The following ARHGAP5 variants were observed in gnomAD, a reference collection of about 807,000 sequenced individuals.
The protein encoded by ARHGAP5 is Rho GTPase activating protein 5.
Under a neutral mutation model 116.6 loss-of-function variants are expected in ARHGAP5, and 23 were observed. That is an observed-to-expected ratio of 0.20 (90% confidence interval 0.14 to 0.28). The LOEUF is 0.28. ARHGAP5 is among the 10% of genes least tolerant of loss of function. ARHGAP5 has a pLI of 1.00. For synonymous variants in ARHGAP5, 574 were observed against 602.0 expected (o/e 0.95, Z 0.68); for missense variants, 1,405 against 1,774.8 (o/e 0.79, Z 3.74).
chr14:32,147,151 G>A (rs183239095), intron 4 of ARHGAP5, among the ~76,000 whole-genome samples: 8 of 152,158 alleles, frequency 5.3e-5, no homozygotes, highest in East Asian at 1.9e-4. Flanking sequence ...AGATTTAAAC[G>A]TAAAAAATGA....
chr14:32,140,644 T>C (rs1881079638), intron 3 of ARHGAP5, among the ~76,000 whole-genome samples: 1 of 152,186 alleles, frequency 6.6e-6, no homozygotes, highest in Non-Finnish European at 1.5e-5. Context: ...ATTTTTCTTT[T>C]GTTACTTATA....
intron 1 of ARHGAP5, among the ~76,000 whole-genome samples, chr14:32,085,697 G>A (rs115866192): frequency 6.6e-6 from 1 of 152,086 alleles, no homozygotes; most frequent in East Asian, 1.9e-4. Context: ...AGAAGATAGA[G>A]CATGTAATTA....
Position 32,093,629 on chromosome 14 carries a change from C to T in ARHGAP5, c.2960C>T (p.Ala987Val), listed in dbSNP as rs1474856372. ...NYPDSDDDTE[A>V]PPPYSPIGDD... is the part of the protein sequence containing the mutation. Reference sequence around the variant, plus strand: ...CCTGATTCAGATGATGACACAGAAGCACCACCTCCTTATAGTCCAATTGGG... The same window carrying T: ...CCTGATTCAGATGATGACACAGAAGTACCACCTCCTTATAGTCCAATTGGG... The change falls in exon 2 of 7, where the codon GCA becomes GTA. Residue 987 changes from alanine to valine, a missense_variant. Transcript: ENST00000345122. 7 of 1,613,788 alleles carry T rather than the reference C, an allele frequency of 4.3e-6. No homozygotes were observed. Among genetic ancestry groups the T allele is most frequent in the Non-Finnish European group, 5.1e-6 (6 of 1,179,864 alleles).
intron 3 of ARHGAP5, among the ~76,000 whole-genome samples, chr14:32,139,578 A>C (rs1296133873): frequency 6.6e-6 from 1 of 151,956 alleles, no homozygotes; most frequent in Non-Finnish European, 1.5e-5. Flanking sequence ...TGATTTTAGT[A>C]ATTGGAGTCT....
intron 2 of ARHGAP5, among the ~76,000 whole-genome samples, chr14:32,109,560 T>G (rs552493687): frequency 6.6e-6 from 1 of 152,232 alleles, no homozygotes; most frequent in South Asian, 2.1e-4. Flanking sequence ...AATTATAAAT[T>G]ATATTAATAG....
At chr14:32,082,448 A>G (rs934517490) in intron 1 of ARHGAP5, among the ~76,000 whole-genome samples, 1 of 152,210 alleles carries the variant, frequency 6.6e-6, no homozygotes, top group South Asian at 2.1e-4. Context: ...TTAGTTTTTC[A>G]TTAAGAAACA....
chr14:32,091,818 A>G lies in ARHGAP5; in HGVS notation c.1149A>G (p.Lys383=). Residue 383 remains lysine (K), a synonymous_variant, in exon 2 of 7, where the codon AAA becomes AAG. Transcript: ENST00000345122. ...AGTTATGTTTTGTGGTGCTAGAAAA[A>G]ACTCCTTGGGATGAAACTGACCATA... ...DFQLCFVVLE[K]TPWDETDHID... The G allele has an allele frequency of 6.2e-7, 1 of 1,613,476 alleles. No individual in the cohort carries two copies. The highest frequency in any genetic ancestry group is 1.7e-5 in the Admixed American group (1 of 59,962).
At chr14:32,102,653 C>G (rs1360189093) in intron 2 of ARHGAP5, among the ~76,000 whole-genome samples, 1 of 152,226 alleles carries the variant, frequency 6.6e-6, no homozygotes, top group Non-Finnish European at 1.5e-5. Flanking sequence ...AGGAAAACCA[C>G]AATGTCTACT....
intron 5 of ARHGAP5, among the ~76,000 whole-genome samples, chr14:32,150,642 A>T (rs2139148412): frequency 6.6e-6 from 1 of 152,300 alleles, no homozygotes; most frequent in Admixed American, 6.5e-5. Flanking sequence ...CACTTCAGAG[A>T]TAACAGCGTT....
At chr14:32,144,568 C>G (rs1013194814) in intron 3 of ARHGAP5, among the ~76,000 whole-genome samples, 1 of 152,104 alleles carries the variant, frequency 6.6e-6, no homozygotes, top group Non-Finnish European at 1.5e-5. Context: ...ACTGCAACCT[C>G]TGCCTCCTGG....
intron 3 of ARHGAP5, among the ~76,000 whole-genome samples, chr14:32,137,296 C>G (rs1880854807): frequency 1.3e-5 from 2 of 149,698 alleles, no homozygotes; most frequent in South Asian, 4.3e-4. Context: ...TGGATATTCG[C>G]CTGTCTCTGC....
At chr14:32,102,045 T>A (rs1878817557) in intron 2 of ARHGAP5, among the ~76,000 whole-genome samples, 1 of 152,218 alleles carries the variant, frequency 6.6e-6, no homozygotes, top group Admixed American at 6.5e-5. Flanking sequence ...GGCTTACACT[T>A]TGTTGAATGA....
rs1450779047 is a variant in ARHGAP5 at position 32,103,274 on chromosome 14, TGTC to T, written c.3717+8889_3717+8891del. On this transcript the variant is annotated intron_variant, in intron 2 of 6. Transcript: ENST00000345122. ...TTTGCCATTTCTTTGAATTCTGTGT[TGTC>T]CATTTGATCATGATTTATTGCTTTT... is the stretch of plus-strand genomic sequence containing the variant. 2.6e-5 allele frequency among the ~76,000 whole-genome samples: 4 copies of T among 152,356 alleles called. No homozygotes were observed. The East Asian group carries it at 5.8e-4, about 22-fold the overall frequency.
intron 2 of ARHGAP5, among the ~76,000 whole-genome samples, chr14:32,097,146 C>A (rs1878565447): frequency 6.6e-6 from 1 of 152,030 alleles, no homozygotes; most frequent in African/African-American, 2.4e-5. Flanking sequence ...TAAAAAATAC[C>A]CAGTTTTTGC....
intron 3 of ARHGAP5, among the ~76,000 whole-genome samples, chr14:32,136,492 A>G (rs1313042904): frequency 6.6e-6 from 1 of 152,180 alleles, no homozygotes; most frequent in Admixed American, 6.5e-5. Context: ...GCTATATCAC[A>G]TTTAGCCGTT....
intron 3 of ARHGAP5, among the ~76,000 whole-genome samples, chr14:32,122,883 G>C (rs887110164): frequency 2.0e-5 from 3 of 152,098 alleles, no homozygotes; most frequent in Non-Finnish European, 4.4e-5. Context: ...GATATTATCT[G>C]TCTGTTTTCA....
Position 32,155,211 on chromosome 14 carries a change from A to G in ARHGAP5, c.*263A>G. On this transcript the variant is annotated 3_prime_UTR_variant, in exon 7 of 7. Transcript: ENST00000345122. ...TGCTGCTGCATGCAACCTTATTGCA[A>G]TCAGTATATCATTCCTGTGGCAATT... The G allele has an allele frequency of 5.7e-6, 2 of 353,458 alleles. No homozygotes were observed. The highest frequency in any genetic ancestry group is 4.9e-5 in the East Asian group (1 of 20,248). The allele number at this position is 353,458 out of a possible 1,614,324, so 21.9% of individuals were successfully genotyped here. A position where few individuals can be genotyped will look rare whatever the true frequency, so the allele number is the denominator to read the frequency against.
chr14:32,117,281 G>T lies in ARHGAP5; in HGVS notation c.3859G>T (p.Asp1287Tyr). ...FVEKCVEFIEDTGLCTEGLYR... is the reference protein window; with the variant it reads ...FVEKCVEFIEYTGLCTEGLYR... ...TGAGAAATGTGTGGAATTTATTGAA[G>T]ATACAGGTAGGATAGAAGAATCATT... Residue 1287 changes from aspartate to tyrosine, a missense_variant, in exon 3 of 7, where the codon GAT (aspartate) becomes TAT (tyrosine). Transcript: ENST00000345122. The T allele has an allele frequency of 6.3e-7, 1 of 1,598,476 alleles. No individual in the cohort carries two copies. Among genetic ancestry groups the T allele is most frequent in the Non-Finnish European group, 8.5e-7 (1 of 1,171,254 alleles).
intron 1 of ARHGAP5, among the ~76,000 whole-genome samples, chr14:32,082,881 G>A (rs140780331): frequency 8.0e-4 from 122 of 152,308 alleles, no homozygotes; most frequent in African/African-American, 2.5e-3. Flanking sequence ...CGTGCATTTA[G>A]CCTGTAGTAT....
Sources: gnomAD v4.1 joint callset for allele counts (sites outside exome capture counted in the v4.1 genomes callset) on GRCh38, gnomAD v4.1.1 for gene constraint, MANE v1.5 for transcripts, NCBI Gene and HGNC (gene_info 2026-07-23, HGNC 2026-07-21) for gene names.